PAQR5: variants seen among roughly 807,000 people sequenced by gnomAD.
PAQR5 encodes the protein progestin and adipoQ receptor family member 5.
In PAQR5, 20 loss-of-function variants were observed where a neutral mutation model predicts 34.5. The ratio of observed to expected loss-of-function variants is 0.58; its 90% CI spans 0.41 to 0.84. PAQR5 has a LOEUF of 0.84. Among genes scored for constraint, PAQR5 ranks in the 40% least tolerant of loss-of-function variants. The pLI is 0.00. For missense variants in PAQR5, 378 were observed against 412.7 expected (o/e 0.92, Z 0.73); for synonymous variants, 131 against 155.6 (o/e 0.84, Z 1.18).
chr15:69,403,685 A>G lies in PAQR5; in HGVS notation c.856A>G (p.Thr286Ala), dbSNP rs1203607333. The G allele has an allele frequency of 6.2e-7, 1 of 1,614,016 alleles. No individual in the cohort carries two copies. Among genetic ancestry groups the G allele is most frequent in the African/African-American group, 1.3e-5 (1 of 74,900 alleles). The change falls in exon 9 of 9, where the codon ACC (threonine) becomes GCC (alanine). Residue 286 changes from threonine to alanine, a missense_variant. Transcript: ENST00000395407. The part of the protein sequence containing the change: ...KTLRKEWLLA[T>A]SKPFSFSQIA... The stretch of plus-strand genomic sequence containing the variant: ...TCTGAGGAAGGAATGGCTCCTGGCC[A>G]CCTCCAAGCCCTTCTCTTTCTCTCA...
At chr15:69,379,708 G>C (rs1021509295) in intron 3 of PAQR5, 175 bp from the exon 4 acceptor site, 10 of 775,878 alleles carry the variant, frequency 1.3e-5, no homozygotes, top group African/African-American at 1.9e-5. Flanking sequence ...TGGAGGACAA[G>C]GGATTTTAGA....
At chr15:69,353,173 A>G (rs1483171805) in intron 2 of PAQR5, among the ~76,000 whole-genome samples, 1 of 152,232 alleles carries the variant, frequency 6.6e-6, no homozygotes, top group African/African-American at 2.4e-5. Flanking sequence ...CCAGCAGCAG[A>G]GACCAACACT....
At chr15:69,389,809 GGGGA>G in intron 6 of PAQR5, 29 bp downstream of exon 6, 1 of 1,612,120 alleles carries the variant, frequency 6.2e-7, no homozygotes, top group Non-Finnish European at 8.5e-7. Context: ...TCAGATGGGA[GGGGA>G]GGGAGGGTCT....
intron 2 of PAQR5, among the ~76,000 whole-genome samples, chr15:69,339,169 CA>C (rs1567008008): frequency 2.4e-4 from 4 of 16,766 alleles, no homozygotes; most frequent in Non-Finnish European, 1.4e-3. Flanking sequence ...CCACTGGCTA[CA>C]CCCCCCACCC....
At chr15:69,340,185 T>C (rs2054609073) in intron 2 of PAQR5, among the ~76,000 whole-genome samples, 1 of 152,148 alleles carries the variant, frequency 6.6e-6, no homozygotes, top group Non-Finnish European at 1.5e-5. Context: ...CACCTTTTTT[T>C]CAAGCTTTTT....
chr15:69,317,209 CAGAGGGGCTTCGGGA>C (rs1309217182), intron 1 of PAQR5, among the ~76,000 whole-genome samples: 6 of 152,326 alleles, frequency 3.9e-5, no homozygotes, highest in African/African-American at 1.4e-4. Context: ...AAGTGAGGCC[CAGAGGGGCTTCGGGA>C]CTCAAAGCCT....
Position 69,396,926 on chromosome 15 carries a change from T to C in PAQR5, c.513-542T>C, listed in dbSNP as rs892536686. On this transcript the variant is annotated intron_variant, in intron 6 of 8. Transcript: ENST00000395407. ...AAGGAAAGACTTCACGTTTATTTAG[T>C]TTTCCCAAGCCAAGTATCCCTGTGT... 9.6e-6 allele frequency: 3 copies of C among 313,546 alleles called. No individual in the cohort carries two copies. The Admixed American group carries it at 1.4e-4, about 14-fold the overall frequency. The allele number at this position is 313,546 out of a possible 1,614,324, so 19.4% of individuals were successfully genotyped here.
rs201140902 is a variant in PAQR5, at chr15:69,384,918, C to A, written c.385+36C>A. The A allele has an allele frequency of 8.2e-5, 127 of 1,546,842 alleles. No individual in the cohort carries two copies. In the African/African-American group the frequency reaches 1.5e-3, roughly 19 times the overall value. On this transcript the variant is annotated intron_variant, in intron 5 of 8. Coordinates refer to ENST00000395407, the MANE Select transcript of PAQR5 (RefSeq NM_017705.4). Reference sequence around the variant, plus strand: ...CCTTGTTCTTGCTTTCCTTCCCCTGCAACCGGGCTGTTTGCCCCTTCTCCT... The same window carrying A: ...CCTTGTTCTTGCTTTCCTTCCCCTGAAACCGGGCTGTTTGCCCCTTCTCCT...
At chr15:69,332,030 T>C (rs979415597) in intron 1 of PAQR5, among the ~76,000 whole-genome samples, 1 of 152,166 alleles carries the variant, frequency 6.6e-6, no homozygotes, top group African/African-American at 2.4e-5. Context: ...AAACCGGGTA[T>C]GCCAGCAAAA....
chr15:69,356,446 A>G (rs7183787), intron 2 of PAQR5, among the ~76,000 whole-genome samples: 13,239 of 152,198 alleles, frequency 0.087, 900 homozygotes, highest in African/African-American at 0.17. Flanking sequence ...TTATTATTCT[A>G]TAATTTTGAA....
intron 1 of PAQR5, among the ~76,000 whole-genome samples, chr15:69,318,276 T>G (rs2053999915): frequency 6.6e-6 from 1 of 152,172 alleles, no homozygotes; most frequent in East Asian, 1.9e-4. Flanking sequence ...AGGCAAGAAA[T>G]GCATCTCGAA....
At position 69,322,805 on chromosome 15, in the gene PAQR5, G is replaced by GAAGAAGAA. The variant is rs1566998148; in HGVS notation, c.-276-14536_-276-14535insAAGAAGAA. Among the ~76,000 whole-genome samples the GAAGAAGAA allele has an allele frequency of 5.0e-3, 105 of 21,006 alleles. 20 individuals are homozygous for GAAGAAGAA. The highest frequency in any genetic ancestry group is 0.016 in the East Asian group (10 of 610). The allele number at this position is 21,006 out of a possible 152,430, so 13.8% of individuals were successfully genotyped here. A position where few individuals can be genotyped will look rare whatever the true frequency, so the allele number is the denominator to read the frequency against. On this transcript the variant is annotated intron_variant, in intron 1 of 8. Transcript: ENST00000395407. ...AAGAAGACGAGGAAGAAGAAGAAGA[G>GAAGAAGAA]GAAGAGGAAGAAGAAGAAGAAGAAG...
rs1220750135 is a variant in PAQR5, at chr15:69,300,702, CTCTTTCTT to C, written c.-277+1685_-277+1692del. 4.9e-3 allele frequency among the ~76,000 whole-genome samples: 32 copies of C among 6,512 alleles called. 4 individuals are homozygous for C. The highest frequency in any genetic ancestry group is 8.7e-3 in the Admixed American group (3 of 346). 4.3% of individuals were successfully genotyped at this position (6,512 alleles called of 152,430 possible). Reference sequence around the variant, plus strand: ...TTCCTTCCTCCCTCCCTCTCTCTCTCTCTTTCTTTCTTTCTTTCTTTCTTTCTTTCTTT... The same window carrying C: ...TTCCTTCCTCCCTCCCTCTCTCTCTCTCTTTCTTTCTTTCTTTCTTTCTTT... On this transcript the variant is annotated intron_variant, in intron 1 of 8. Transcript: ENST00000395407.
At chr15:69,322,256 TC>T in intron 1 of PAQR5, among the ~76,000 whole-genome samples, 1 of 149,180 alleles carries the variant, frequency 6.7e-6, no homozygotes, top group Middle Eastern at 3.4e-3. Flanking sequence ...GACAGGCAGA[TC>T]ACCTGAGGTC....
At chr15:69,355,749 C>G (rs1272769662) in intron 2 of PAQR5, among the ~76,000 whole-genome samples, 1 of 152,008 alleles carries the variant, frequency 6.6e-6, no homozygotes, top group East Asian at 1.9e-4. Context: ...ATTTTTTATA[C>G]ATTTCTTGGA....
At chr15:69,386,009 T>C (rs2056097589) in intron 5 of PAQR5, among the ~76,000 whole-genome samples, 1 of 140,698 alleles carries the variant, frequency 7.1e-6, no homozygotes, top group African/African-American at 2.7e-5. Flanking sequence ...CACACTACAC[T>C]CACATAAACA....
In PAQR5 at chr15:69,397,481, C is replaced by T. The variant is rs371178842; in HGVS notation, c.526C>T (p.Gln176Ter). The stretch of plus-strand genomic sequence containing the variant: ...TCCCTGATTTAGGTTTCTTGAAATC[C>T]AGAAGCCCAGACTCTGTAAGGTGAT... ...LSCYSRFLEI[Q>*]KPRLCKVIRV... is the part of the protein sequence containing the mutation. Residue 176 changes from glutamine (Q) to a stop codon, truncating the protein, a stop_gained, in exon 7 of 9, where the codon CAG becomes TAG. Transcript: ENST00000395407. LOFTEE classifies it high-confidence loss of function. 22 of 1,612,904 alleles carry T rather than the reference C, an allele frequency of 1.4e-5. No homozygotes were observed. The African/African-American group carries it at 2.8e-4, about 21-fold the overall frequency.
chr15:69,377,877 C>T (rs576119432), intron 3 of PAQR5, among the ~76,000 whole-genome samples: 3 of 152,272 alleles, frequency 2.0e-5, no homozygotes, highest in Admixed American at 2.0e-4. Flanking sequence ...CCTCTAATCC[C>T]GGCACTTTAG....
chr15:69,313,124 G>C (rs1403006443), intron 1 of PAQR5, among the ~76,000 whole-genome samples: 1 of 152,140 alleles, frequency 6.6e-6, no homozygotes, highest in African/African-American at 2.4e-5. Context: ...AACCTTTGTT[G>C]TATGTGTTTT....
Sources: allele counts gnomAD v4.1 joint callset (sites outside exome capture counted in the v4.1 genomes callset), GRCh38; gene constraint gnomAD v4.1.1; transcripts MANE v1.5; gene names NCBI Gene and HGNC (gene_info 2026-07-23, HGNC 2026-07-21).